The following RAB38 variants were observed in gnomAD, a reference collection of about 807,000 sequenced individuals.
RAB38 encodes ras-related protein Rab-38.
A neutral mutation model predicts 18.4 loss-of-function variants in RAB38; 15 were observed. That is an observed-to-expected ratio of 0.82 (90% confidence interval 0.55 to 1.26). The LOEUF (loss-of-function observed/expected upper bound fraction) is 1.26. RAB38 is among the 50% of genes most tolerant of loss of function. The pLI is 0.00. For synonymous variants in RAB38, 101 were observed against 104.4 expected, an observed-to-expected ratio of 0.97 and a Z score of 0.20; for missense variants, 294 against 267.4, an observed-to-expected ratio of 1.10 and a Z score of -0.69.
the RAB38 span, among the ~76,000 whole-genome samples, chr11:87,976,258 A>C: frequency 4.2e-5 from 6 of 144,554 alleles, no homozygotes; most frequent in Non-Finnish European, 9.1e-5. Flanking sequence ...TATGTTATAC[A>C]TGTAAGAGAA....
At chr11:87,924,385 C>A in the RAB38 span, among the ~76,000 whole-genome samples, 1 of 151,990 alleles carries the variant, frequency 6.6e-6, no homozygotes, top group Non-Finnish European at 1.5e-5. Flanking sequence ...ACTCAGAGAA[C>A]AAAATCTCAG....
At chr11:88,167,712 C>T (rs963094939) in intron 1 of RAB38, 22 of 152,196 alleles carry the variant, frequency 1.4e-4, no homozygotes, top group African/African-American at 4.8e-4. Context: ...GATCACGTAA[C>T]TTCTTAAATT....
the RAB38 span, among the ~76,000 whole-genome samples, chr11:87,937,886 T>A: frequency 2.0e-5 from 3 of 150,412 alleles, no homozygotes; most frequent in Non-Finnish European, 4.4e-5. Flanking sequence ...TTTTTTTTTT[T>A]TTTTTATCAT....
At chr11:87,903,310 CT>C in the RAB38 span, among the ~76,000 whole-genome samples, 16 of 151,220 alleles carry the variant, frequency 1.1e-4, no homozygotes, top group African/African-American at 2.7e-4. Flanking sequence ...CTTCTTTTCC[CT>C]TTTTGAAATG....
chr11:87,851,175 G>C, the RAB38 span, among the ~76,000 whole-genome samples: 1 of 152,132 alleles, frequency 6.6e-6, no homozygotes, highest in Non-Finnish European at 1.5e-5. Context: ...ACCTCTTACT[G>C]AGCCTGACTT....
chr11:88,020,085 C>T, the RAB38 span, among the ~76,000 whole-genome samples: 1 of 152,114 alleles, frequency 6.6e-6, no homozygotes, highest in African/African-American at 2.4e-5. Context: ...AGGCCTTACC[C>T]TCAAAGGTTC....
At chr11:88,169,347 C>G (rs1943281951) in intron 1 of RAB38, among the ~76,000 whole-genome samples, 1 of 152,168 alleles carries the variant, frequency 6.6e-6, no homozygotes, top group Non-Finnish European at 1.5e-5. Context: ...GTATTTCTTT[C>G]TTGTTTTTCT....
At chr11:87,826,385 G>A in the RAB38 span, among the ~76,000 whole-genome samples, 1 of 152,040 alleles carries the variant, frequency 6.6e-6, no homozygotes, top group Admixed American at 6.6e-5. Flanking sequence ...CATTAATGTA[G>A]TTAATGCACA....
intron 2 of RAB38, among the ~76,000 whole-genome samples, chr11:88,149,272 C>T (rs111906885): frequency 6.6e-6 from 1 of 152,164 alleles, no homozygotes; most frequent in Middle Eastern, 3.2e-3. Flanking sequence ...TACAGGTGAA[C>T]ATATTAAATA....
At chr11:87,948,805 G>T in the RAB38 span, among the ~76,000 whole-genome samples, 6 of 151,614 alleles carry the variant, frequency 4.0e-5, no homozygotes, top group Admixed American at 2.0e-4. Flanking sequence ...GTATTTTATT[G>T]AGGATTTTTG....
the RAB38 span, among the ~76,000 whole-genome samples, chr11:87,970,470 T>C: frequency 6.6e-6 from 1 of 152,068 alleles, no homozygotes; most frequent in African/African-American, 2.4e-5. Flanking sequence ...CTGGGTTTAT[T>C]TGTTCTCTCT....
At chr11:88,030,813 G>T in the RAB38 span, among the ~76,000 whole-genome samples, 13 of 152,230 alleles carry the variant, frequency 8.5e-5, no homozygotes, top group East Asian at 2.5e-3. Flanking sequence ...GGAGGAACTG[G>T]TACCATTCCT....
At chr11:88,132,707 C>A (rs780363398) in intron 2 of RAB38, among the ~76,000 whole-genome samples, 5 of 152,180 alleles carry the variant, frequency 3.3e-5, no homozygotes, top group Non-Finnish European at 7.3e-5. Flanking sequence ...GATCCACCTG[C>A]CTTGGCCTCC....
the RAB38 span, among the ~76,000 whole-genome samples, chr11:88,019,194 A>T: frequency 6.6e-6 from 1 of 152,148 alleles, no homozygotes; most frequent in Non-Finnish European, 1.5e-5. Context: ...TCAGTTTTTA[A>T]AATTTTTCCA....
At chr11:87,870,099 A>G in the RAB38 span, among the ~76,000 whole-genome samples, 6 of 151,686 alleles carry the variant, frequency 4.0e-5, 1 homozygote, top group African/African-American at 1.4e-4. Context: ...TTTAAAATTA[A>G]TACTATTTAG....
At chr11:87,920,886 T>C in the RAB38 span, among the ~76,000 whole-genome samples, 1 of 152,204 alleles carries the variant, frequency 6.6e-6, no homozygotes, top group African/African-American at 2.4e-5. Context: ...ATCATTGTTT[T>C]AGTACATATT....
the RAB38 span, among the ~76,000 whole-genome samples, chr11:87,814,394 C>T: frequency 1.4e-4 from 21 of 152,262 alleles, no homozygotes; most frequent in Admixed American, 7.2e-4. Flanking sequence ...ATTTTCAGTA[C>T]GTGCTTATAT....
the RAB38 span, among the ~76,000 whole-genome samples, chr11:88,071,345 G>A: frequency 1.3e-5 from 2 of 152,066 alleles, no homozygotes; most frequent in Non-Finnish European, 2.9e-5. Context: ...GTACGGTGGA[G>A]GAATGGAAAA....
the RAB38 span, among the ~76,000 whole-genome samples, chr11:87,911,149 T>C: frequency 1.3e-5 from 2 of 152,058 alleles, no homozygotes; most frequent in Non-Finnish European, 2.9e-5. Context: ...TTGATGACAG[T>C]ACCATAGAGA....
Sources: gnomAD v4.1 joint callset for allele counts (sites outside exome capture counted in the v4.1 genomes callset) on GRCh38, gnomAD v4.1.1 for gene constraint, MANE v1.5 for transcripts, NCBI Gene and HGNC (gene_info 2026-07-23, HGNC 2026-07-21) for gene names.